Variants in ZNF420 observed in about 807,000 individuals in gnomAD.
ZNF420 encodes the protein zinc finger protein 420.
ZNF420 carries 31 observed loss-of-function variants against 44.7 expected under a neutral mutation model. The ratio of observed to expected loss-of-function variants is 0.69; its 90% CI spans 0.52 to 0.94. The LOEUF is 0.94. Among genes scored for constraint, ZNF420 ranks in the 40% least tolerant of loss-of-function variants. The pLI is 0.00. For missense variants in ZNF420, 681 were observed against 827.9 expected (o/e 0.82, Z 2.18); for synonymous variants, 245 against 267.4 (o/e 0.92, Z 0.82).
intron 1 of ZNF420, among the ~76,000 whole-genome samples, chr19:37,056,016 G>A (rs1302402633): frequency 6.6e-6 from 1 of 152,140 alleles, no homozygotes; most frequent in African/African-American, 2.4e-5. Context: ...GGGGTGGTGT[G>A]TTTCCGTTCC....
chr19:37,126,082 A>G (rs1366399046), intron 4 of ZNF420, among the ~76,000 whole-genome samples: 1 of 151,872 alleles, frequency 6.6e-6, no homozygotes, highest in Non-Finnish European at 1.5e-5. Flanking sequence ...CATATTTTTC[A>G]ATTTTTAGCC....
At chr19:37,123,204 T>C (rs1473751420) in intron 4 of ZNF420, among the ~76,000 whole-genome samples, 1 of 152,214 alleles carries the variant, frequency 6.6e-6, no homozygotes, top group Non-Finnish European at 1.5e-5. Context: ...GTCAGGTGGA[T>C]TATTGTTGTA....
At chr19:37,009,307 G>A (rs1283222653) in intron 1 of ZNF420, among the ~76,000 whole-genome samples, 1 of 152,120 alleles carries the variant, frequency 6.6e-6, no homozygotes, top group Non-Finnish European at 1.5e-5. Context: ...AAACCTCTCC[G>A]CTCCTCCAGC....
At chr19:37,065,742 T>A (rs1226045950) in intron 1 of ZNF420, among the ~76,000 whole-genome samples, 1 of 152,232 alleles carries the variant, frequency 6.6e-6, no homozygotes, top group Non-Finnish European at 1.5e-5. Context: ...AAATTTGTGT[T>A]GTTTTAAGTC....
chr19:37,125,235 G>T (rs758114806), intron 4 of ZNF420, among the ~76,000 whole-genome samples: 3 of 152,124 alleles, frequency 2.0e-5, no homozygotes, highest in Non-Finnish European at 4.4e-5. Flanking sequence ...TCTAGGATGT[G>T]TTCTTCCCAG....
At chr19:37,094,919 T>C (rs1377074829) in intron 4 of ZNF420, among the ~76,000 whole-genome samples, 4 of 151,694 alleles carry the variant, frequency 2.6e-5, no homozygotes, top group Non-Finnish European at 5.9e-5. Context: ...GATCACGAGG[T>C]CAAGAGATCA....
chr19:37,025,200 C>G (rs1162753577), intron 1 of ZNF420: 1 of 400,936 alleles, frequency 2.5e-6, no homozygotes, highest in African/African-American at 2.1e-5. Context: ...TAAAAGCTTC[C>G]CCACACTCTT....
chr19:37,079,408 G>A (rs146906132), intron 1 of ZNF420, among the ~76,000 whole-genome samples: 26 of 152,258 alleles, frequency 1.7e-4, no homozygotes, highest in African/African-American at 6.0e-4. Flanking sequence ...GTCCCATGTG[G>A]CTCTGTGCTC....
chr19:37,078,120 C>T (rs1284466669), upstream of ZNF420: 1 of 152,610 alleles, frequency 6.6e-6, no homozygotes, highest in African/African-American at 2.4e-5. Flanking sequence ...CGGGTCCCAC[C>T]CTCTCTCCTG....
chr19:37,117,079 C>T (rs995047081), intron 4 of ZNF420, among the ~76,000 whole-genome samples: 1 of 152,220 alleles, frequency 6.6e-6, no homozygotes, highest in African/African-American at 2.4e-5. Flanking sequence ...ACTTAAACGT[C>T]CCTGTCTGAC....
intron 1 of ZNF420, among the ~76,000 whole-genome samples, chr19:37,028,307 A>G (rs373684527): frequency 6.6e-5 from 10 of 152,218 alleles, no homozygotes; most frequent in East Asian, 5.8e-4. Flanking sequence ...TCTCAGGGTT[A>G]CCTGGGCATC....
At chr19:37,086,080 A>G (rs1194557929) in intron 2 of ZNF420, among the ~76,000 whole-genome samples, 1 of 151,852 alleles carries the variant, frequency 6.6e-6, no homozygotes, top group Non-Finnish European at 1.5e-5. Context: ...GGGGTTGCTT[A>G]CAGGCATGAG....
At chr19:37,031,375 C>T (rs1161492620) in intron 1 of ZNF420, among the ~76,000 whole-genome samples, 1 of 152,174 alleles carries the variant, frequency 6.6e-6, no homozygotes. Flanking sequence ...ACCAAGAAGT[C>T]CTCTGTATGC....
At chr19:37,074,313 A>T (rs193154376), upstream of ZNF420, among the ~76,000 whole-genome samples, 3 of 152,226 alleles carry the variant, frequency 2.0e-5, no homozygotes, top group Non-Finnish European at 2.9e-5. Context: ...ATATGATGCA[A>T]TAGGAAGAAC....
intron 4 of ZNF420, among the ~76,000 whole-genome samples, chr19:37,121,708 A>T (rs1344521379): frequency 6.6e-6 from 1 of 152,218 alleles, no homozygotes; most frequent in Non-Finnish European, 1.5e-5. Context: ...ATGGTAGAAA[A>T]TTTTCGCAAC....
At position 37,129,931 on chromosome 19, in the gene ZNF420, A is replaced by G. The variant is rs1413879859; in HGVS notation, c.*873A>G. On this transcript the variant is annotated 3_prime_UTR_variant, in exon 5 of 5. Coordinates refer to ENST00000337995, the MANE Select transcript of ZNF420 (RefSeq NM_144689.5). ...AACAAAATAACTGATATTACAGACT[A>G]TTTTGCAATGAAAAATGATGAGAGT... The G allele has an allele frequency of 2.2e-6, 3 of 1,371,286 alleles. No individual in the cohort carries two copies. Among genetic ancestry groups the G allele is most frequent in the Non-Finnish European group, 2.9e-6 (3 of 1,047,226 alleles). The allele number at this position is 1,371,286 out of a possible 1,614,324, so 84.9% of individuals were successfully genotyped here.
At chr19:37,019,623 A>C (rs187120293) in intron 1 of ZNF420, among the ~76,000 whole-genome samples, 207 of 152,142 alleles carry the variant, frequency 1.4e-3, no homozygotes, top group Non-Finnish European at 2.4e-3. Context: ...AACAATACAA[A>C]AATTAGCCAG....
chr19:37,024,032 G>A lies in ZNF420; in HGVS notation c.-125+15950G>A, dbSNP rs372174478. 1.4e-4 allele frequency among the ~76,000 whole-genome samples: 21 copies of A among 152,110 alleles called. No homozygotes were observed. The East Asian group carries it at 3.5e-3, about 25-fold the overall frequency. On this transcript the variant is annotated intron_variant, in intron 1 of 4. Transcript: ENST00000587029. ...CCCCTCCAGCATGAACATCAACACA[G>A]ACCTTAAGTCTGATAAGAAACATTT... is the stretch of plus-strand genomic sequence containing the variant.
upstream of ZNF420, among the ~76,000 whole-genome samples, chr19:37,076,424 T>C (rs994184948): frequency 6.6e-6 from 1 of 152,182 alleles, no homozygotes; most frequent in Non-Finnish European, 1.5e-5. Context: ...GTGCACAACG[T>C]GCAGGTTTGT....
Sources: allele counts gnomAD v4.1 joint callset (sites outside exome capture counted in the v4.1 genomes callset), GRCh38; gene constraint gnomAD v4.1.1; transcripts MANE v1.5; gene names NCBI Gene and HGNC (gene_info 2026-07-23, HGNC 2026-07-21).